The following CSMD1 variants were observed in gnomAD, a reference collection of about 807,000 sequenced individuals.
The protein encoded by CSMD1 is CUB and sushi domain-containing protein 1.
Under a neutral mutation model 417.5 loss-of-function variants are expected in CSMD1, and 213 were observed. That is an observed-to-expected ratio of 0.51 (90% confidence interval 0.46 to 0.57). The LOEUF (loss-of-function observed/expected upper bound fraction) is 0.57. Among genes scored for constraint, CSMD1 ranks in the 20% least tolerant of loss-of-function variants. The probability of loss-of-function intolerance (pLI) is 0.00; values close to 1 mark genes in which losing one functional copy is unlikely to be tolerated. For missense variants in CSMD1, 6,923 were observed against 4,529.7 expected, an observed-to-expected ratio of 1.53 and a Z score of -15.17; for synonymous variants, 2,862 against 1,736.8, an observed-to-expected ratio of 1.65 and a Z score of -16.11.
At chr8:4,361,069 A>C (rs529873556) in intron 3 of CSMD1, among the ~76,000 whole-genome samples, 1 of 152,300 alleles carries the variant, frequency 6.6e-6, no homozygotes, top group East Asian at 1.9e-4. Flanking sequence ...TTCGTGCCCA[A>C]CAGATGTTTT....
At chr8:3,660,858 G>C (rs975080744) in intron 7 of CSMD1, among the ~76,000 whole-genome samples, 1 of 152,102 alleles carries the variant, frequency 6.6e-6, no homozygotes, top group Non-Finnish European at 1.5e-5. Context: ...ATCAGATTTG[G>C]AATTCAATTG....
intron 1 of CSMD1, among the ~76,000 whole-genome samples, chr8:4,714,022 G>A (rs1490457800): frequency 3.3e-5 from 5 of 152,052 alleles, no homozygotes; most frequent in Non-Finnish European, 7.4e-5. Flanking sequence ...GCAGGTGCCT[G>A]TAATCCCAGC....
intron 1 of CSMD1, among the ~76,000 whole-genome samples, chr8:4,979,727 C>A (rs1810770029): frequency 6.6e-6 from 1 of 152,168 alleles, no homozygotes; most frequent in Non-Finnish European, 1.5e-5. Flanking sequence ...CAGATCAAAT[C>A]ATATTGATAT....
At chr8:4,391,850 C>A (rs748740563) in intron 3 of CSMD1, among the ~76,000 whole-genome samples, 3 of 152,150 alleles carry the variant, frequency 2.0e-5, no homozygotes, top group African/African-American at 4.8e-5. Context: ...GAGTCAATAG[C>A]CTCTGTTCTC....
intron 29 of CSMD1, among the ~76,000 whole-genome samples, chr8:3,216,480 T>C (rs1191196402): frequency 1.3e-5 from 2 of 152,218 alleles, no homozygotes; most frequent in African/African-American, 4.8e-5. Flanking sequence ...ATCATTTTTT[T>C]GTTATAAATC....
intron 3 of CSMD1, among the ~76,000 whole-genome samples, chr8:4,186,482 A>C (rs1369860790): frequency 1.3e-5 from 2 of 152,186 alleles, no homozygotes; most frequent in Admixed American, 6.5e-5. Flanking sequence ...AAGGAAAATA[A>C]ATAAATAAAT....
At chr8:3,102,146 C>T (rs923109521) in intron 46 of CSMD1, among the ~76,000 whole-genome samples, 5 of 152,094 alleles carry the variant, frequency 3.3e-5, no homozygotes, top group African/African-American at 9.7e-5. Context: ...TAATAGCTAA[C>T]GTAATTTTTC....
At chr8:3,479,683 C>G (rs1024848039) in intron 11 of CSMD1, among the ~76,000 whole-genome samples, 4 of 152,012 alleles carry the variant, frequency 2.6e-5, no homozygotes, top group African/African-American at 9.7e-5. Context: ...CCTAGCAATA[C>G]CTAACATGAC....
chr8:4,626,895 ATTCT>A, intron 2 of CSMD1, among the ~76,000 whole-genome samples: 1 of 152,164 alleles, frequency 6.6e-6, no homozygotes, highest in African/African-American at 2.4e-5. Context: ...TGCCTTTTCG[ATTCT>A]TTATTATTTT....
At chr8:3,706,099 C>A (rs13267014) in intron 7 of CSMD1, among the ~76,000 whole-genome samples, 5 of 152,134 alleles carry the variant, frequency 3.3e-5, no homozygotes, top group African/African-American at 7.2e-5. Flanking sequence ...CTGTGCCTAC[C>A]TCCCCTACCG....
chr8:4,766,289 T>C (rs1333966967), intron 1 of CSMD1, among the ~76,000 whole-genome samples: 1 of 152,180 alleles, frequency 6.6e-6, no homozygotes, highest in African/African-American at 2.4e-5. Flanking sequence ...ACCTGCTAGT[T>C]ACCTTTTTCA....
intron 3 of CSMD1, among the ~76,000 whole-genome samples, chr8:4,301,561 G>A (rs181000798): frequency 1.1e-3 from 162 of 152,278 alleles, no homozygotes; most frequent in Middle Eastern, 3.4e-3. Flanking sequence ...TTCACCAAGT[G>A]GAAAGTCTGC....
chr8:3,859,314 G>C (rs1031038647), intron 5 of CSMD1, among the ~76,000 whole-genome samples: 3 of 152,090 alleles, frequency 2.0e-5, no homozygotes, highest in Non-Finnish European at 1.5e-5. Flanking sequence ...ACCTACATTC[G>C]CTCGGCCTAT....
chr8:4,630,927 G>C (rs1802473126), intron 2 of CSMD1, among the ~76,000 whole-genome samples: 1 of 152,176 alleles, frequency 6.6e-6, no homozygotes, highest in South Asian at 2.1e-4. Context: ...AGTCCTGACT[G>C]CACGGCTGCC....
At chr8:4,569,102 G>A (rs553429436) in intron 2 of CSMD1, among the ~76,000 whole-genome samples, 1 of 152,020 alleles carries the variant, frequency 6.6e-6, no homozygotes, top group African/African-American at 2.4e-5. Context: ...TGTGATGATA[G>A]TTTTGTTTGT....
intron 3 of CSMD1, among the ~76,000 whole-genome samples, chr8:4,110,933 C>T (rs551276400): frequency 1.4e-3 from 207 of 152,182 alleles, no homozygotes; most frequent in African/African-American, 4.6e-3. Context: ...TAGAAGTACT[C>T]AGCTGATCAA....
intron 26 of CSMD1, among the ~76,000 whole-genome samples, chr8:3,251,496 A>T (rs575597655): frequency 6.6e-6 from 1 of 152,108 alleles, no homozygotes; most frequent in East Asian, 1.9e-4. Context: ...GTCAGGTAGC[A>T]TGATGCCTCC....
In CSMD1 at chr8:3,399,414, G is replaced by C. The variant is rs1487986821; in HGVS notation, c.2382C>G (p.His794Gln). 6.2e-7 allele frequency: 1 copy of C among 1,605,914 alleles called. No individual in the cohort carries two copies. Among genetic ancestry groups the C allele is most frequent in the Non-Finnish European group, 8.5e-7 (1 of 1,176,672 alleles). Reference protein sequence around the residue: ...CEWIIEAKPGHSIKITFDRFQ... With the variant: ...CEWIIEAKPGQSIKITFDRFQ... The stretch of plus-strand genomic sequence containing the variant: ...ACCTGTCAAAAGTTATTTTGATAGA[G>C]TGGCCTGGTTTTGCTTCAATTATCC... The change falls in exon 16 of 70, where the codon CAC becomes CAG. Residue 794 changes from histidine to glutamine, a missense_variant. Coordinates refer to ENST00000635120, the MANE Select transcript of CSMD1 (RefSeq NM_033225.6).
intron 7 of CSMD1, among the ~76,000 whole-genome samples, chr8:3,694,894 G>C (rs1370926097): frequency 6.6e-6 from 1 of 152,098 alleles, no homozygotes; most frequent in Non-Finnish European, 1.5e-5. Flanking sequence ...TTCATTCTGG[G>C]TGTGAGGGGA....
Sources: allele counts gnomAD v4.1 joint callset (sites outside exome capture counted in the v4.1 genomes callset), GRCh38; gene constraint gnomAD v4.1.1; transcripts MANE v1.5; gene names NCBI Gene and HGNC (gene_info 2026-07-23, HGNC 2026-07-21).